PALLD: variants seen among roughly 807,000 people sequenced by gnomAD.
PALLD encodes palladin.
In PALLD, 61 loss-of-function variants were observed where a neutral mutation model predicts 123.5. That is an observed-to-expected ratio of 0.49 (90% CI 0.40 to 0.61). The LOEUF is 0.61. Among genes scored for constraint, PALLD ranks in the 20% least tolerant of loss-of-function variants. The pLI, the probability that PALLD is intolerant of heterozygous loss-of-function variation, is 0.00. For synonymous variants in PALLD, 465 were observed against 496.4 expected (o/e 0.94, Z 0.84); for missense variants, 1,273 against 1,377.0 (o/e 0.92, Z 1.20).
At chr4:168,632,015 A>C (rs1477678606) in intron 2 of PALLD, 2 of 558,646 alleles carry the variant, frequency 3.6e-6, no homozygotes, top group Non-Finnish European at 4.5e-6. Flanking sequence ...GTTTAGTTGT[A>C]GTGGACTCAG....
chr4:168,766,113 T>G (rs1183211397), intron 10 of PALLD, among the ~76,000 whole-genome samples: 4 of 152,202 alleles, frequency 2.6e-5, no homozygotes, highest in Non-Finnish European at 5.9e-5. Context: ...AACACACCCC[T>G]GAATCCTGCC....
chr4:168,612,443 C>T (rs1364499237), intron 2 of PALLD, among the ~76,000 whole-genome samples: 3 of 152,256 alleles, frequency 2.0e-5, no homozygotes, highest in Admixed American at 2.0e-4. Context: ...ACTACAAGAA[C>T]CATGAATGCT....
chr4:168,899,918 A>C (rs1000630482), intron 14 of PALLD, among the ~76,000 whole-genome samples: 96 of 143,692 alleles, frequency 6.7e-4, no homozygotes, highest in Non-Finnish European at 1.3e-3. Context: ...ACTCCGTCTC[A>C]AAAAAAAAAA....
intron 2 of PALLD, among the ~76,000 whole-genome samples, chr4:168,584,142 T>C (rs182549623): frequency 1.3e-3 from 194 of 152,070 alleles, no homozygotes; most frequent in Admixed American, 1.8e-3. Context: ...TGGCTTTGCA[T>C]AATTGGAAAT....
At chr4:168,518,673 T>C (rs1253700188) in intron 2 of PALLD, among the ~76,000 whole-genome samples, 3 of 152,218 alleles carry the variant, frequency 2.0e-5, no homozygotes, top group African/African-American at 7.2e-5. Context: ...AACTACTCTA[T>C]GTAAAAGAAA....
intron 10 of PALLD, among the ~76,000 whole-genome samples, chr4:168,826,902 G>A (rs1268802502): frequency 6.6e-6 from 1 of 152,104 alleles, no homozygotes; most frequent in Non-Finnish European, 1.5e-5. Context: ...CTCTTTTCAG[G>A]ACATGCCTTC....
At chr4:168,540,945 T>C (rs901689924) in intron 2 of PALLD, among the ~76,000 whole-genome samples, 1 of 152,204 alleles carries the variant, frequency 6.6e-6, no homozygotes, top group African/African-American at 2.4e-5. Context: ...TCTCATTGCA[T>C]TTTTGTGGAA....
At position 168,512,131 on chromosome 4, in the gene PALLD, T is replaced by A. The variant is rs1358979568; in HGVS notation, c.627T>A (p.Asn209Lys). Residue 209 changes from asparagine (N) to lysine (K), a missense_variant, in exon 2 of 22, where the codon AAT becomes AAA. Transcript: ENST00000505667. The stretch of plus-strand genomic sequence containing the variant: ...ACAGTGGGTACCTGTCTCCTAAAAA[T>A]CAGCCGTCAGCCCTGCTGAGTGCCT... ...SPDSGYLSPK[N>K]QPSALLSASA... The A allele has an allele frequency of 6.2e-7, 1 of 1,614,040 alleles. No homozygotes were observed. The highest frequency in any genetic ancestry group is 2.2e-5 in the East Asian group (1 of 44,888).
At chr4:168,684,050 A>G (rs116798286) in intron 5 of PALLD, among the ~76,000 whole-genome samples, 2,470 of 152,294 alleles carry the variant, frequency 0.016, 69 homozygotes, top group African/African-American at 0.055. Flanking sequence ...GAAATATTTG[A>G]TTAAATCAGT....
At chr4:168,782,671 G>A (rs1736086066) in intron 10 of PALLD, among the ~76,000 whole-genome samples, 1 of 152,066 alleles carries the variant, frequency 6.6e-6, no homozygotes, top group South Asian at 2.1e-4. Flanking sequence ...GCACTTGGGA[G>A]GCCAAGGCAG....
intron 2 of PALLD, among the ~76,000 whole-genome samples, chr4:168,560,432 C>G (rs1178529298): frequency 6.6e-6 from 1 of 152,220 alleles, no homozygotes; most frequent in Non-Finnish European, 1.5e-5. Context: ...AACTACTCAG[C>G]AGTTCCTAGT....
intron 10 of PALLD, 100 bp downstream of exon 10, chr4:168,712,023 G>C: frequency 1.0e-6 from 1 of 995,972 alleles, no homozygotes; most frequent in South Asian, 1.4e-5. Context: ...TATGTGGCAA[G>C]TTGGCCTTGA....
chr4:168,697,036 G>T (rs549182972), intron 8 of PALLD, among the ~76,000 whole-genome samples: 1 of 152,222 alleles, frequency 6.6e-6, no homozygotes, highest in African/African-American at 2.4e-5. Context: ...CCAGGACAAG[G>T]AGATCATGTT....
chr4:168,600,671 A>G (rs886538408), intron 2 of PALLD, among the ~76,000 whole-genome samples: 1 of 152,192 alleles, frequency 6.6e-6, no homozygotes, highest in Non-Finnish European at 1.5e-5. Context: ...ATTAAATATA[A>G]TGATGATTGA....
intron 10 of PALLD, among the ~76,000 whole-genome samples, chr4:168,761,657 T>TTTTTTTG: frequency 2.4e-5 from 1 of 41,326 alleles, no homozygotes. Context: ...TTTTTTTTTT[T>TTTTTTTG]TTTTTTTTTT....
At chr4:168,677,294 G>A (rs996710383) in intron 3 of PALLD, among the ~76,000 whole-genome samples, 4 of 151,986 alleles carry the variant, frequency 2.6e-5, no homozygotes, top group African/African-American at 9.7e-5. Flanking sequence ...GGCACAGAGA[G>A]GGAGATTTGA....
intron 10 of PALLD, among the ~76,000 whole-genome samples, chr4:168,754,835 CA>C (rs1400479834): frequency 6.6e-6 from 1 of 152,182 alleles, no homozygotes; most frequent in Admixed American, 6.5e-5. Context: ...ATGAACAAGA[CA>C]AACAAAGGTT....
At chr4:168,608,670 T>C (rs886810182) in intron 2 of PALLD, among the ~76,000 whole-genome samples, 4 of 152,200 alleles carry the variant, frequency 2.6e-5, no homozygotes, top group African/African-American at 9.7e-5. Flanking sequence ...TTGTTATTGC[T>C]GCTGCTGTTG....
At chr4:168,649,693 T>C (rs1029735021) in intron 2 of PALLD, among the ~76,000 whole-genome samples, 20 of 152,178 alleles carry the variant, frequency 1.3e-4, no homozygotes, top group African/African-American at 4.8e-4. Context: ...AAGGTACTAA[T>C]AAAATATGGG....
Sources: gnomAD v4.1 joint callset for allele counts (sites outside exome capture counted in the v4.1 genomes callset) on GRCh38, gnomAD v4.1.1 for gene constraint, MANE v1.5 for transcripts, NCBI Gene and HGNC (gene_info 2026-07-23, HGNC 2026-07-21) for gene names.